The following NUDT19 variants were observed in gnomAD, a reference collection of about 807,000 sequenced individuals.
NUDT19 encodes the protein nudix hydrolase 19, also known as acyl-coenzyme A diphosphatase NUDT19.
A neutral mutation model predicts 22.2 loss-of-function variants in NUDT19; 31 were observed. That is an observed-to-expected ratio of 1.40 (90% CI 1.05 to 1.89). The LOEUF (loss-of-function observed/expected upper bound fraction) is 1.89. Among genes scored for constraint, NUDT19 ranks in the 40% most tolerant of loss-of-function variants. The pLI, the probability that NUDT19 is intolerant of heterozygous loss-of-function variation, is 0.00. For missense variants in NUDT19, 752 were observed against 514.2 expected (o/e 1.46, Z -4.47); for synonymous variants, 325 against 230.8 (o/e 1.41, Z -3.70).
intron 1 of NUDT19, among the ~76,000 whole-genome samples, chr19:32,697,187 G>A (rs994212317): frequency 6.6e-6 from 1 of 152,124 alleles, no homozygotes; most frequent in African/African-American, 2.4e-5. Flanking sequence ...TAAGTCTGCG[G>A]CCTTTCTATT....
At chr19:32,703,903 T>G (rs567464956) in intron 1 of NUDT19, among the ~76,000 whole-genome samples, 27 of 152,096 alleles carry the variant, frequency 1.8e-4, no homozygotes, top group African/African-American at 6.5e-4. Context: ...CCTCAGGTGA[T>G]CCACCCAGCT....
intron 1 of NUDT19, among the ~76,000 whole-genome samples, chr19:32,697,210 C>G (rs1250165496): frequency 6.6e-6 from 1 of 152,108 alleles, no homozygotes; most frequent in Non-Finnish European, 1.5e-5. Context: ...CTCACTTTTA[C>G]TTTTGGGCCT....
chr19:32,692,671 C>T lies in NUDT19; in HGVS notation c.711C>T (p.Tyr237=). 6.7e-7 allele frequency: 1 copy of T among 1,493,150 alleles called. No individual in the cohort carries two copies. The highest frequency in any genetic ancestry group is 8.9e-7 in the Non-Finnish European group (1 of 1,128,866). The allele number at this position is 1,493,150 out of a possible 1,614,324, so 92.5% of individuals were successfully genotyped here. ...VYPDLAEVVG[Y]QWSSPSEATE... is the part of the protein sequence containing the mutation. ...CCGACTTGGCGGAGGTGGTGGGCTA[C>T]CAGGTAAGGCCTGCTCAGGGCCTTG... is the stretch of plus-strand genomic sequence containing the variant. The change falls in exon 1 of 3, where the codon TAC becomes TAT. Residue 237 remains tyrosine, a synonymous_variant. Coordinates refer to ENST00000397061, the MANE Select transcript of NUDT19 (RefSeq NM_001105570.2).
chr19:32,705,813 G>A (rs968733467), intron 1 of NUDT19, among the ~76,000 whole-genome samples: 8 of 152,008 alleles, frequency 5.3e-5, no homozygotes, highest in African/African-American at 1.9e-4. Flanking sequence ...TTGAACTCCT[G>A]ACCTCAGGTG....
chr19:32,696,573 C>G (rs1274453034), intron 1 of NUDT19, among the ~76,000 whole-genome samples: 1 of 152,174 alleles, frequency 6.6e-6, no homozygotes, highest in African/African-American at 2.4e-5. Context: ...AAGCAGGGGA[C>G]AACAAATGGG....
chr19:32,697,949 T>C (rs1490843143), intron 1 of NUDT19, among the ~76,000 whole-genome samples: 5 of 152,166 alleles, frequency 3.3e-5, no homozygotes, highest in Non-Finnish European at 7.3e-5. Context: ...ACATAACCGA[T>C]AGCCCGGGAA....
At position 32,692,415 on chromosome 19, in the gene NUDT19, C is replaced by G; in HGVS notation, c.455C>G (p.Pro152Arg). The change falls in exon 1 of 3, where the codon CCC becomes CGC. Residue 152 changes from proline (P) to arginine (R), a missense_variant. Physicochemically the swap from Pro to Arg is moderately radical, Grantham distance 103. Coordinates refer to ENST00000397061, the MANE Select transcript of NUDT19 (RefSeq NM_001105570.2). ...RPRTSPPGPA[P>R]GPGLALEPPP... Reference sequence around the variant, plus strand: ...AGGACTTCCCCACCAGGCCCAGCACCCGGGCCTGGCCTCGCCCTGGAGCCA... The same window carrying G: ...AGGACTTCCCCACCAGGCCCAGCACGCGGGCCTGGCCTCGCCCTGGAGCCA... 3.8e-6 allele frequency: 6 copies of G among 1,558,582 alleles called. No homozygotes were observed. The highest frequency in any genetic ancestry group is 4.3e-6 in the Non-Finnish European group (5 of 1,159,824).
intron 1 of NUDT19, among the ~76,000 whole-genome samples, chr19:32,707,519 T>A (rs1157144536): frequency 6.6e-6 from 1 of 152,136 alleles, no homozygotes; most frequent in Non-Finnish European, 1.5e-5. Flanking sequence ...TTCTCCTAGG[T>A]GTATAAGTGG....
intron 1 of NUDT19, among the ~76,000 whole-genome samples, chr19:32,697,833 C>T (rs1320980320): frequency 1.3e-5 from 2 of 152,178 alleles, no homozygotes; most frequent in Admixed American, 6.5e-5. Flanking sequence ...TCAAGATCAT[C>T]TGAAAGCTTC....
At chr19:32,697,073 T>C (rs1319397660) in intron 1 of NUDT19, among the ~76,000 whole-genome samples, 1 of 152,134 alleles carries the variant, frequency 6.6e-6, no homozygotes, top group African/African-American at 2.4e-5. Flanking sequence ...TTTTAAAAAG[T>C]GTCCTTGTAA....
intron 1 of NUDT19, among the ~76,000 whole-genome samples, chr19:32,699,876 C>T (rs575600139): frequency 2.0e-5 from 3 of 151,954 alleles, no homozygotes; most frequent in Non-Finnish European, 4.4e-5. Flanking sequence ...GAGTTTCTTT[C>T]GTTGGGTTCG....
intron 2 of NUDT19, among the ~76,000 whole-genome samples, chr19:32,709,944 T>A (rs1041104635): frequency 2.0e-5 from 3 of 152,000 alleles, no homozygotes; most frequent in African/African-American, 7.2e-5. Context: ...TGAGCCACCA[T>A]GCCTGGCTGA....
intron 1 of NUDT19, among the ~76,000 whole-genome samples, chr19:32,699,315 A>AG (rs1416468087): frequency 1.3e-5 from 2 of 152,198 alleles, no homozygotes; most frequent in African/African-American, 4.8e-5. Context: ...CCAGGAGGCA[A>AG]GGGTCAGGAT....
chr19:32,702,525 T>C (rs1968346347), intron 1 of NUDT19, among the ~76,000 whole-genome samples: 1 of 152,162 alleles, frequency 6.6e-6, no homozygotes, highest in South Asian at 2.1e-4. Flanking sequence ...GGAGAATTGC[T>C]TGAACCCAGG....
At position 32,692,247 on chromosome 19, in the gene NUDT19, T is replaced by G. The variant is rs1968195425; in HGVS notation, c.287T>G (p.Phe96Cys). Reference sequence around the variant, plus strand: ...CGCTTCGGCCTGGGCCCGGCGCCATTCAGCCGCACCGCTTTCCCGTCGCTG... The same window carrying G: ...CGCTTCGGCCTGGGCCCGGCGCCATGCAGCCGCACCGCTTTCCCGTCGCTG... ...PPRFGLGPAP[F>C]SRTAFPSLPD... The change falls in exon 1 of 3, where the codon TTC (phenylalanine) becomes TGC (cysteine). Residue 96 changes from phenylalanine to cysteine, a missense_variant. Transcript: ENST00000397061. 1 of 1,591,582 alleles carries G rather than the reference T, an allele frequency of 6.3e-7. No homozygotes were observed. The highest frequency in any genetic ancestry group is 2.3e-5 in the East Asian group (1 of 44,152).
At chr19:32,697,397 G>C (rs918289434) in intron 1 of NUDT19, among the ~76,000 whole-genome samples, 3 of 152,196 alleles carry the variant, frequency 2.0e-5, no homozygotes, top group African/African-American at 7.2e-5. Context: ...TGACAGGGGA[G>C]TGTATTTTCT....
intron 1 of NUDT19, among the ~76,000 whole-genome samples, chr19:32,701,329 C>G (rs895999990): frequency 6.6e-6 from 1 of 150,938 alleles, no homozygotes; most frequent in Non-Finnish European, 1.5e-5. Flanking sequence ...CCTCAGTCTC[C>G]CAAGCAGCTG....
intron 1 of NUDT19, 63 bp downstream of exon 1, chr19:32,692,737 C>T (rs892378712): frequency 2.3e-6 from 3 of 1,285,928 alleles, no homozygotes; most frequent in African/African-American, 3.1e-5. Flanking sequence ...CCCCTCCCAG[C>T]GGCCCAGGCC....
At chr19:32,695,477 T>C (rs1968252152) in intron 1 of NUDT19, among the ~76,000 whole-genome samples, 1 of 152,224 alleles carries the variant, frequency 6.6e-6, no homozygotes, top group Admixed American at 6.5e-5. Flanking sequence ...ATATTTTAAA[T>C]TTACCCTGGC....
Sources: gnomAD v4.1 joint callset for allele counts (sites outside exome capture counted in the v4.1 genomes callset) on GRCh38, gnomAD v4.1.1 for gene constraint, MANE v1.5 for transcripts, NCBI Gene and HGNC (gene_info 2026-07-23, HGNC 2026-07-21) for gene names.